CDH9: variants seen among roughly 807,000 people sequenced by gnomAD.
CDH9 encodes cadherin-9.
In CDH9, 28 loss-of-function variants were observed where a neutral mutation model predicts 70.9. The observed-to-expected ratio is 0.40, with a 90% CI of 0.29 to 0.54. The LOEUF (loss-of-function observed/expected upper bound fraction) is 0.54, where lower values mean the gene tolerates loss of function less well. Ranked by LOEUF, CDH9 falls within the 20% of genes least tolerant of loss-of-function variation. The pLI, the probability that CDH9 is intolerant of heterozygous loss-of-function variation, is 0.59. For synonymous variants in CDH9, 409 were observed against 343.1 expected, an observed-to-expected ratio of 1.19 and a Z score of -2.12; for missense variants, 874 against 984.4, an observed-to-expected ratio of 0.89 and a Z score of 1.50.
chr5:26,976,110 G>A (rs961313643), intron 2 of CDH9, among the ~76,000 whole-genome samples: 2 of 152,092 alleles, frequency 1.3e-5, no homozygotes, highest in African/African-American at 2.4e-5. Context: ...TTAATGAGGA[G>A]GAAAAAGAAA....
intron 1 of CDH9, among the ~76,000 whole-genome samples, chr5:27,037,103 A>G (rs1479734683): frequency 6.6e-6 from 1 of 151,964 alleles, no homozygotes; most frequent in Non-Finnish European, 1.5e-5. Context: ...GAGGTTTTTT[A>G]CAAAATTGAG....
At chr5:26,923,782 A>T (rs1741289508) in intron 2 of CDH9, among the ~76,000 whole-genome samples, 1 of 152,234 alleles carries the variant, frequency 6.6e-6, no homozygotes, top group Non-Finnish European at 1.5e-5. Context: ...ATACAAACAC[A>T]TCGAAATTAA....
At chr5:27,036,284 T>C (rs1579526840) in intron 1 of CDH9, among the ~76,000 whole-genome samples, 1 of 152,024 alleles carries the variant, frequency 6.6e-6, no homozygotes, top group East Asian at 1.9e-4. Flanking sequence ...GTATAGGGGT[T>C]ACAGGAAAAC....
chr5:26,952,456 T>TAA (rs1741863556), intron 2 of CDH9, among the ~76,000 whole-genome samples: 2 of 6,018 alleles, frequency 3.3e-4, no homozygotes, highest in African/African-American at 9.4e-4. Context: ...CTACTAAAAA[T>TAA]ACAAAAAAAA....
intron 2 of CDH9, among the ~76,000 whole-genome samples, chr5:26,934,407 G>A (rs972263296): frequency 3.3e-5 from 5 of 152,160 alleles, no homozygotes; most frequent in African/African-American, 1.2e-4. Context: ...TGAGGCTATA[G>A]TGAACTGTGA....
At chr5:26,909,206 G>A (rs958568598) in intron 3 of CDH9, among the ~76,000 whole-genome samples, 8 of 151,942 alleles carry the variant, frequency 5.3e-5, no homozygotes. Context: ...GGATGGTCTC[G>A]ATCTCCTGAC....
intron 2 of CDH9, among the ~76,000 whole-genome samples, chr5:26,968,921 C>A (rs1393118358): frequency 6.6e-6 from 1 of 152,146 alleles, no homozygotes; most frequent in African/African-American, 2.4e-5. Context: ...TCCCATCTGT[C>A]CTCACCTCAC....
intron 1 of CDH9, among the ~76,000 whole-genome samples, chr5:27,030,590 A>G (rs1743295325): frequency 6.6e-6 from 1 of 151,670 alleles, no homozygotes; most frequent in Non-Finnish European, 1.5e-5. Flanking sequence ...AAATATAAAT[A>G]AGTCATCACA....
chr5:27,008,027 G>T (rs999271345), intron 1 of CDH9, among the ~76,000 whole-genome samples: 7 of 152,006 alleles, frequency 4.6e-5, no homozygotes, highest in African/African-American at 1.7e-4. Flanking sequence ...TTATACATGT[G>T]GAACAGAAAA....
chr5:26,983,139 AAAGTGGGT>A (rs1742429943), intron 2 of CDH9, among the ~76,000 whole-genome samples: 1 of 152,146 alleles, frequency 6.6e-6, no homozygotes, highest in Non-Finnish European at 1.5e-5. Context: ...AGATTATGGA[AAAGTGGGT>A]AAGATACTCC....
chr5:26,973,525 G>A (rs1229712174), intron 2 of CDH9, among the ~76,000 whole-genome samples: 1 of 151,796 alleles, frequency 6.6e-6, no homozygotes, highest in Non-Finnish European at 1.5e-5. Flanking sequence ...TGAAATTCAA[G>A]ACCGAATTTA....
In CDH9 at chr5:26,996,311, G is replaced by A. The variant is rs79067848; in HGVS notation, c.-49-7929C>T. Among the ~76,000 whole-genome samples the A allele has an allele frequency of 2.4e-3, 359 of 152,088 alleles. 2 individuals carry two copies. Among genetic ancestry groups the A allele is most frequent in the African/African-American group, 8.4e-3 (347 of 41,554 alleles). ...AAATGCAAAAACAAAACAAAACTGT[G>A]TGATACGGTCATATAATTTAAATAT... On this transcript the variant is annotated intron_variant, in intron 1 of 11. Coordinates refer to ENST00000231021, the MANE Select transcript of CDH9 (RefSeq NM_016279.4).
intron 2 of CDH9, among the ~76,000 whole-genome samples, chr5:26,940,397 A>G (rs1741639614): frequency 6.6e-6 from 1 of 152,196 alleles, no homozygotes. Flanking sequence ...ATCTATTTAA[A>G]ATAATGCAAA....
chr5:26,901,426 A>T (rs1278649267), intron 7 of CDH9, among the ~76,000 whole-genome samples: 1 of 151,934 alleles, frequency 6.6e-6, no homozygotes, highest in Non-Finnish European at 1.5e-5. Flanking sequence ...AAATTAAATC[A>T]TCATTAAAAT....
At chr5:27,001,147 C>T (rs1177875281) in intron 1 of CDH9, among the ~76,000 whole-genome samples, 4 of 151,994 alleles carry the variant, frequency 2.6e-5, no homozygotes, top group African/African-American at 9.7e-5. Flanking sequence ...TAGGTAGGAG[C>T]TGGAAAGATG....
chr5:27,031,695 C>T (rs1032361333), intron 1 of CDH9, among the ~76,000 whole-genome samples: 18 of 151,836 alleles, frequency 1.2e-4, no homozygotes, highest in African/African-American at 4.1e-4. Context: ...AACTTGCATG[C>T]CTAATAGGTC....
intron 1 of CDH9, among the ~76,000 whole-genome samples, chr5:26,994,452 G>A (rs1742634119): frequency 6.6e-6 from 1 of 152,138 alleles, no homozygotes; most frequent in Non-Finnish European, 1.5e-5. Flanking sequence ...TGAGAGTGGA[G>A]TCTCTAATGA....
At chr5:26,987,540 C>A (rs1005631032) in intron 2 of CDH9, among the ~76,000 whole-genome samples, 15 of 151,998 alleles carry the variant, frequency 9.9e-5, no homozygotes, top group African/African-American at 3.4e-4. Flanking sequence ...AAGGGAGTTA[C>A]ATATTCTCTA....
In CDH9 at chr5:26,880,995, C is replaced by G. The variant is rs1006780248; in HGVS notation, c.*141G>C. ...CATTCACAAAGACTTACTGATTAAG[C>G]AAATCCCTACTTGACAACATCTACG... On this transcript the variant is annotated 3_prime_UTR_variant, in exon 12 of 12. Coordinates refer to ENST00000231021, the MANE Select transcript of CDH9 (RefSeq NM_016279.4). 4 of 696,642 alleles carry G rather than the reference C, an allele frequency of 5.7e-6. No individual in the cohort carries two copies. The highest frequency in any genetic ancestry group is 5.4e-5 in the African/African-American group (3 of 55,234). 43.2% of individuals were successfully genotyped at this position (696,642 alleles called of 1,614,324 possible). A position where few individuals can be genotyped will look rare whatever the true frequency, so the allele number is the denominator to read the frequency against.
Sources: allele counts gnomAD v4.1 joint callset (sites outside exome capture counted in the v4.1 genomes callset), GRCh38; gene constraint gnomAD v4.1.1; transcripts MANE v1.5; gene names NCBI Gene and HGNC (gene_info 2026-07-23, HGNC 2026-07-21).